Variants in TENM1 observed in about 807,000 individuals in gnomAD.
TENM1 encodes the protein teneurin-1.
A neutral mutation model predicts 174.8 loss-of-function variants in TENM1; 35 were observed. That is an observed-to-expected ratio of 0.20 (90% CI 0.15 to 0.27). The LOEUF is 0.27. Ranked by LOEUF, TENM1 falls within the 10% of genes least tolerant of loss-of-function variation. TENM1 has a pLI of 1.00. For missense variants in TENM1, 1,633 were observed against 2,130.1 expected (o/e 0.77, Z 4.59); for synonymous variants, 781 against 798.7 (o/e 0.98, Z 0.37).
At chrX:124,932,561 G>A (rs968298658) in intron 1 of TENM1, among the ~76,000 whole-genome samples, 3 of 112,404 alleles carry the variant, frequency 2.7e-5, no homozygotes, top group African/African-American at 9.7e-5. Flanking sequence ...ACAGAAGGCA[G>A]TGAGCAATAT....
At chrX:125,033,046 G>A in the TENM1 span, among the ~76,000 whole-genome samples, 2 of 111,384 alleles carry the variant, frequency 1.8e-5, no homozygotes, top group Middle Eastern at 4.6e-3. Flanking sequence ...TTGTTACAGT[G>A]ACTGGGAGAT....
chrX:124,867,025 G>C, intron 3 of TENM1, among the ~76,000 whole-genome samples: 1 of 110,543 alleles, frequency 9.0e-6, no homozygotes, highest in Non-Finnish European at 1.9e-5. Context: ...GAAAAGAAAA[G>C]CCTGGTGGTT....
intron 11 of TENM1, among the ~76,000 whole-genome samples, chrX:124,587,222 C>A (rs1602726055): frequency 9.1e-6 from 1 of 110,401 alleles, no homozygotes; most frequent in Admixed American, 9.7e-5. Flanking sequence ...AAAGAGCCCG[C>A]ATTGCCAAGT....
the TENM1 span, among the ~76,000 whole-genome samples, chrX:125,101,105 G>A: frequency 9.0e-6 from 1 of 111,662 alleles, no homozygotes; most frequent in African/African-American, 3.3e-5. Context: ...ATAAGTTAAT[G>A]TACGCCTGGC....
the TENM1 span, among the ~76,000 whole-genome samples, chrX:125,046,524 T>C: frequency 1.8e-5 from 2 of 112,236 alleles, no homozygotes; most frequent in Non-Finnish European, 3.8e-5. Context: ...GAGACCAAGG[T>C]TGAAGTTCCA....
At chrX:124,885,676 A>AT (rs1360533579) in intron 3 of TENM1, among the ~76,000 whole-genome samples, 5 of 110,319 alleles carry the variant, frequency 4.5e-5, no homozygotes, top group African/African-American at 1.6e-4. Flanking sequence ...AACCTTAAGG[A>AT]TTTTTTCCTG....
At chrX:124,962,655 T>C (rs1219503491) in intron 1 of TENM1, among the ~76,000 whole-genome samples, 1 of 110,495 alleles carries the variant, frequency 9.1e-6, no homozygotes, top group Non-Finnish European at 1.9e-5. Flanking sequence ...CCATCTCCAC[T>C]AAAAATACAA....
intron 3 of TENM1, among the ~76,000 whole-genome samples, chrX:124,877,631 G>A (rs1197068181): frequency 9.0e-6 from 1 of 111,511 alleles, no homozygotes. Context: ...CATGCAATTT[G>A]AGGCATTCAC....
intron 17 of TENM1, among the ~76,000 whole-genome samples, chrX:124,521,316 T>C (rs73550485): frequency 0.034 from 3,861 of 111,950 alleles, 106 homozygotes; most frequent in African/African-American, 0.097. Flanking sequence ...ATAGTTTCCC[T>C]AGAATTAATC....
chrX:124,648,767 G>A (rs7890666), intron 8 of TENM1, among the ~76,000 whole-genome samples: 11,394 of 111,725 alleles, frequency 0.1, 1,188 homozygotes, highest in African/African-American at 0.32. Flanking sequence ...TCAAAAATAA[G>A]TATAGTTGAA....
At chrX:124,427,362 G>A (rs1457378287) in intron 23 of TENM1, among the ~76,000 whole-genome samples, 2 of 111,991 alleles carry the variant, frequency 1.8e-5, no homozygotes, top group Non-Finnish European at 3.8e-5. Context: ...CAATACGATT[G>A]GTGTCATGTT....
the TENM1 span, among the ~76,000 whole-genome samples, chrX:125,157,907 C>G: frequency 3.6e-5 from 4 of 111,451 alleles, no homozygotes; most frequent in Non-Finnish European, 7.5e-5. Flanking sequence ...TTAAAAAGGA[C>G]TATTCAATCT....
chrX:125,104,686 G>A, the TENM1 span, among the ~76,000 whole-genome samples: 2 of 109,807 alleles, frequency 1.8e-5, no homozygotes, highest in East Asian at 2.9e-4. Flanking sequence ...TCAGCATACA[G>A]AATATTCACA....
chrX:124,970,461 C>G, the TENM1 span, among the ~76,000 whole-genome samples: 1 of 111,822 alleles, frequency 8.9e-6, no homozygotes, highest in African/African-American at 3.2e-5. Context: ...TTAATAAGGA[C>G]TTATTACATT....
intron 1 of TENM1, among the ~76,000 whole-genome samples, chrX:124,937,764 A>G (rs1260250765): frequency 8.9e-6 from 1 of 112,019 alleles, no homozygotes; most frequent in Non-Finnish European, 1.9e-5. Context: ...TGCAAGGTAC[A>G]TAAATAATTT....
At chrX:124,799,383 T>C (rs1428481305) in intron 3 of TENM1, among the ~76,000 whole-genome samples, 1 of 111,036 alleles carries the variant, frequency 9.0e-6, no homozygotes, top group Admixed American at 9.6e-5. Context: ...TAGTGGTCTG[T>C]GGTTCTCCTT....
chrX:124,732,202 G>A lies in TENM1; in HGVS notation c.776+4755C>T, dbSNP rs73215142. ...TATGTACTTACAGAATAAATAAAAC[G>A]TGGTTTAGCTTCAGAACATGTTAAA... On this transcript the variant is annotated intron_variant, in intron 4 of 31. Coordinates refer to ENST00000422452, the Ensembl canonical transcript of TENM1. Among the ~76,000 whole-genome samples the A allele has an allele frequency of 8.0e-3, 894 of 112,042 alleles. 5 individuals are homozygous for A. Among genetic ancestry groups the A allele is most frequent in the Middle Eastern group, 0.019 (4 of 216 alleles).
At chrX:124,990,254 T>C in the TENM1 span, among the ~76,000 whole-genome samples, 29,356 of 110,321 alleles carry the variant, frequency 0.27, 4,447 homozygotes, top group African/African-American at 0.57. Flanking sequence ...ACATTCAGTG[T>C]GGCATACTGT....
chrX:125,137,022 G>A, the TENM1 span, among the ~76,000 whole-genome samples: 431 of 111,277 alleles, frequency 3.9e-3, 3 homozygotes, highest in African/African-American at 0.013. Flanking sequence ...ACAGACCCGA[G>A]TTCATAATTC....
Sources: gnomAD v4.1 joint callset for allele counts (sites outside exome capture counted in the v4.1 genomes callset) on GRCh38, gnomAD v4.1.1 for gene constraint, MANE v1.5 for transcripts, NCBI Gene and HGNC (gene_info 2026-07-23, HGNC 2026-07-21) for gene names.